The following SRPK2 variants were observed in gnomAD, a reference collection of about 807,000 sequenced individuals.
SRPK2 encodes SFRS protein kinase 2.
In SRPK2, 21 loss-of-function variants were observed where a neutral mutation model predicts 90.8. The observed-to-expected ratio is 0.23, with a 90% CI of 0.16 to 0.33. SRPK2 has a LOEUF of 0.33. SRPK2 is among the 10% of genes least tolerant of loss of function. The pLI, the probability that SRPK2 is intolerant of heterozygous loss-of-function variation, is 1.00. For missense variants in SRPK2, 620 were observed against 869.0 expected (o/e 0.71, Z 3.60); for synonymous variants, 288 against 311.1 (o/e 0.93, Z 0.78).
rs1796016808 is a variant in SRPK2, at chr7:105,204,999, T to C, written c.72-1214A>G. On this transcript the variant is annotated intron_variant, in intron 2 of 15. Transcript: ENST00000393651. ...ACAGCCTGCGGCATACAGTCAAAGC[T>C]CACTCTTCAGCCCTGGAATCTTGAG... 1.1e-5 allele frequency: 3 copies of C among 262,370 alleles called. No homozygotes were observed. The South Asian group carries it at 1.4e-4, about 12-fold the overall frequency. 16.3% of individuals were successfully genotyped at this position (262,370 alleles called of 1,614,324 possible).
chr7:105,360,849 G>A (rs2132252324), intron 2 of SRPK2, among the ~76,000 whole-genome samples: 1 of 152,168 alleles, frequency 6.6e-6, no homozygotes, highest in African/African-American at 2.4e-5. Context: ...AGCTATTTAT[G>A]ACAAACCCAC....
At chr7:105,145,379 T>A in intron 8 of SRPK2, 71 bp from the exon 9 acceptor site, 1 of 1,134,362 alleles carries the variant, frequency 8.8e-7, no homozygotes, top group Non-Finnish European at 1.3e-6. Flanking sequence ...GTCATTCGAA[T>A]TGCAAAGTGA....
chr7:105,226,579 T>C (rs568523813), intron 2 of SRPK2, among the ~76,000 whole-genome samples: 6 of 152,248 alleles, frequency 3.9e-5, no homozygotes, highest in African/African-American at 1.2e-4. Context: ...TGAGCCACCA[T>C]GCCGGGCCAA....
intron 2 of SRPK2, among the ~76,000 whole-genome samples, chr7:105,241,056 GAAAAT>G (rs1005475609): frequency 9.2e-5 from 14 of 152,248 alleles, no homozygotes; most frequent in African/African-American, 2.9e-4. Flanking sequence ...AATGGTGTCA[GAAAAT>G]AAAATAAATT....
intron 2 of SRPK2, among the ~76,000 whole-genome samples, chr7:105,318,666 T>G (rs1812575513): frequency 6.6e-6 from 1 of 152,196 alleles, no homozygotes; most frequent in African/African-American, 2.4e-5. Context: ...AGCAAATAAC[T>G]TCACTGTCAA....
intron 2 of SRPK2, among the ~76,000 whole-genome samples, chr7:105,285,349 C>G (rs1007832651): frequency 2.9e-5 from 4 of 137,888 alleles, no homozygotes; most frequent in Non-Finnish European, 6.0e-5. Context: ...CGTACCACTG[C>G]ACTCTAAACT....
At chr7:105,168,147 G>A (rs1156978132) in intron 4 of SRPK2, 52 bp from the exon 5 acceptor site, 3 of 1,411,300 alleles carry the variant, frequency 2.1e-6, no homozygotes, top group African/African-American at 1.4e-5. Context: ...TCAGTAGAAA[G>A]AATCACTGGT....
chr7:105,265,192 C>T (rs905461712), intron 2 of SRPK2, among the ~76,000 whole-genome samples: 2 of 152,020 alleles, frequency 1.3e-5, no homozygotes, highest in African/African-American at 4.8e-5. Context: ...TTAGAGTCAG[C>T]CCTCCACATC....
At chr7:105,170,305 TA>T (rs1790643238) in intron 3 of SRPK2, among the ~76,000 whole-genome samples, 1 of 152,184 alleles carries the variant, frequency 6.6e-6, no homozygotes, top group African/African-American at 2.4e-5. Flanking sequence ...CTAGAAACTG[TA>T]CAATGATGTC....
chr7:105,389,134 G>A (rs181167008), upstream of SRPK2: 1,139 of 1,000,834 alleles, frequency 1.1e-3, 37 homozygotes, highest in East Asian at 0.056. Flanking sequence ...CCAGCCCGCG[G>A]CCCGGGCCTC....
intron 2 of SRPK2, among the ~76,000 whole-genome samples, chr7:105,225,890 G>C (rs962938410): frequency 6.6e-6 from 1 of 152,020 alleles, no homozygotes; most frequent in African/African-American, 2.4e-5. Flanking sequence ...GTAAAAATAA[G>C]CAAACAAAGA....
At chr7:105,135,254 G>C (rs1802619354) in intron 11 of SRPK2, among the ~76,000 whole-genome samples, 1 of 152,204 alleles carries the variant, frequency 6.6e-6, no homozygotes, top group Non-Finnish European at 1.5e-5. Context: ...ATGAGGCTTG[G>C]TGTTCAGGAA....
intron 2 of SRPK2, among the ~76,000 whole-genome samples, chr7:105,288,168 G>C (rs1367100436): frequency 6.6e-6 from 1 of 152,200 alleles, no homozygotes; most frequent in South Asian, 2.1e-4. Flanking sequence ...TTGTACAACT[G>C]GCATTCTAAA....
intron 2 of SRPK2, among the ~76,000 whole-genome samples, chr7:105,313,143 A>C (rs912769476): frequency 5.3e-5 from 8 of 152,028 alleles, no homozygotes; most frequent in African/African-American, 1.4e-4. Flanking sequence ...TCAAAAGGTA[A>C]TGATTTTTTT....
chr7:105,391,494 T>C (rs912794981), upstream of SRPK2, among the ~76,000 whole-genome samples: 2 of 152,278 alleles, frequency 1.3e-5, no homozygotes, highest in South Asian at 2.1e-4. Flanking sequence ...CATGAGCCAC[T>C]GCGCCCGGCT....
intron 2 of SRPK2, among the ~76,000 whole-genome samples, chr7:105,345,409 G>A (rs1287623349): frequency 6.6e-6 from 1 of 152,084 alleles, no homozygotes; most frequent in Non-Finnish European, 1.5e-5. Context: ...AATCTAAACA[G>A]TAGCTTTTGA....
chr7:105,345,174 G>GGAGGAGAGGA (rs202106187), intron 2 of SRPK2, among the ~76,000 whole-genome samples: 1 of 149,874 alleles, frequency 6.7e-6, no homozygotes, highest in Non-Finnish European at 1.5e-5. Flanking sequence ...GGAAGGCAAG[G>GGAGGAGAGGA]GAGGAGAGGA....
chr7:105,220,569 T>A (rs1797977347), intron 2 of SRPK2, among the ~76,000 whole-genome samples: 1 of 152,102 alleles, frequency 6.6e-6, no homozygotes, highest in Non-Finnish European at 1.5e-5. Context: ...AAACTCAAAT[T>A]TAAATTGTAA....
rs1238694466 is a variant in SRPK2 at position 105,181,901 on chromosome 7, AAAC to A, written c.230-12639_230-12637del. ...AAAAGTAAAAAAAAAAAAAAACAGA[AAAC>A]ACACACACAAAAACCAAATGTAGGC... is the stretch of plus-strand genomic sequence containing the variant. On this transcript the variant is annotated intron_variant, in intron 3 of 15. Transcript: ENST00000393651. Among the ~76,000 whole-genome samples the A allele has an allele frequency of 4.4e-4, 58 of 131,150 alleles. 1 individual carries two copies. In the South Asian group the frequency reaches 4.4e-3, roughly 10 times the overall value. The allele number at this position is 131,150 out of a possible 152,430, so 86.0% of individuals were successfully genotyped here.
Sources: allele counts gnomAD v4.1 joint callset (sites outside exome capture counted in the v4.1 genomes callset), GRCh38; gene constraint gnomAD v4.1.1; transcripts MANE v1.5; gene names NCBI Gene and HGNC (gene_info 2026-07-23, HGNC 2026-07-21).